The following RBFOX1 variants were observed in gnomAD, a reference collection of about 807,000 sequenced individuals.
RBFOX1 encodes RNA binding fox-1 homolog 1, also known as RNA binding protein fox-1 homolog 1.
A neutral mutation model predicts 57.7 loss-of-function variants in RBFOX1; 8 were observed. The ratio of observed to expected loss-of-function variants is 0.14; its 90% CI spans 0.08 to 0.25. The LOEUF is 0.25. Among genes scored for constraint, RBFOX1 ranks in the 10% least tolerant of loss-of-function variants. The pLI is 1.00. For missense variants in RBFOX1, 611 were observed against 548.5 expected (o/e 1.11, Z -1.14); for synonymous variants, 326 against 222.4 (o/e 1.47, Z -4.15).
At chr16:7,667,427 C>G (rs879935432) in intron 13 of RBFOX1, among the ~76,000 whole-genome samples, 1 of 152,160 alleles carries the variant, frequency 6.6e-6, no homozygotes, top group Admixed American at 6.5e-5. Flanking sequence ...CTTTTTAAAG[C>G]CACTACCCTA....
chr16:6,562,557 G>A (rs1251432555), intron 2 of RBFOX1, among the ~76,000 whole-genome samples: 3 of 152,206 alleles, frequency 2.0e-5, no homozygotes, highest in Non-Finnish European at 2.9e-5. Flanking sequence ...AAGACACGAT[G>A]TGTGTAATTG....
chr16:7,165,620 A>C (rs2079315744), intron 4 of RBFOX1, among the ~76,000 whole-genome samples: 1 of 151,476 alleles, frequency 6.6e-6, no homozygotes, highest in Non-Finnish European at 1.5e-5. Flanking sequence ...GTAGAGATGA[A>C]GTTTCTCCAC....
intron 4 of RBFOX1, among the ~76,000 whole-genome samples, chr16:7,488,532 C>G (rs981625901): frequency 1.3e-5 from 2 of 151,574 alleles, no homozygotes; most frequent in South Asian, 4.2e-4. Flanking sequence ...TACTATCTAC[C>G]TGTCATTCTG....
At chr16:6,997,710 T>A (rs898495126) in intron 3 of RBFOX1, among the ~76,000 whole-genome samples, 2 of 152,284 alleles carry the variant, frequency 1.3e-5, no homozygotes, top group Admixed American at 1.3e-4. Flanking sequence ...GGTTAATGAT[T>A]AGTATAAATC....
intron 4 of RBFOX1, among the ~76,000 whole-genome samples, chr16:7,445,749 C>A (rs941063061): frequency 6.6e-6 from 1 of 152,094 alleles, no homozygotes; most frequent in African/African-American, 2.4e-5. Context: ...TGTCTTTTCA[C>A]GCGGGTGACG....
At chr16:7,447,774 A>G (rs1328509316) in intron 4 of RBFOX1, among the ~76,000 whole-genome samples, 1 of 152,224 alleles carries the variant, frequency 6.6e-6, no homozygotes, top group Non-Finnish European at 1.5e-5. Context: ...AGCTAAATGC[A>G]TTTGTTGAAG....
intron 4 of RBFOX1, among the ~76,000 whole-genome samples, chr16:7,485,933 G>A (rs991219665): frequency 6.6e-6 from 1 of 152,172 alleles, no homozygotes; most frequent in African/African-American, 2.4e-5. Context: ...TATTGTTCAT[G>A]GTTGCTGTTT....
chr16:6,680,336 C>G (rs1159186634), intron 3 of RBFOX1, among the ~76,000 whole-genome samples: 1 of 139,394 alleles, frequency 7.2e-6, no homozygotes, highest in Admixed American at 7.9e-5. Flanking sequence ...CATCTCAGCT[C>G]ACTGCAAGCT....
At position 7,501,513 on chromosome 16, in the gene RBFOX1, G is replaced by C. The variant is rs529394270; in HGVS notation, c.28-16634G>C. Among the ~76,000 whole-genome samples the C allele has an allele frequency of 1.4e-4, 22 of 152,290 alleles. No homozygotes were observed. The Middle Eastern group carries it at 0.014, about 94-fold the overall frequency. On this transcript the variant is annotated intron_variant, in intron 4 of 15. Coordinates refer to ENST00000550418, the MANE Select transcript of RBFOX1 (RefSeq NM_018723.4). Reference sequence around the variant, plus strand: ...GACAGACATAGGTCTCTGCTTTTGAGAGCTTTACAATCCAGTAGCCTCCAG... The same window carrying C: ...GACAGACATAGGTCTCTGCTTTTGACAGCTTTACAATCCAGTAGCCTCCAG...
chr16:5,697,056 G>A (rs1232351832), intron 3 of RBFOX1, among the ~76,000 whole-genome samples: 2 of 152,094 alleles, frequency 1.3e-5, no homozygotes, highest in East Asian at 3.9e-4. Context: ...GGGACTACAG[G>A]TGCAAATATT....
chr16:6,891,984 C>T (rs1282655021), intron 3 of RBFOX1, among the ~76,000 whole-genome samples: 1 of 152,148 alleles, frequency 6.6e-6, no homozygotes, highest in African/African-American at 2.4e-5. Context: ...TTTGATCCTG[C>T]TTACTGATGC....
intron 1 of RBFOX1, among the ~76,000 whole-genome samples, chr16:6,142,186 CTGCAAAAAAAAAA>C (rs1423050125): frequency 5.4e-5 from 3 of 55,410 alleles, no homozygotes; most frequent in African/African-American, 2.4e-4. Flanking sequence ...GTTGCTGCTG[CTGCAAAAAAAAAA>C]AAAAAAAAAA....
At chr16:6,971,527 T>TGG (rs398119187) in intron 3 of RBFOX1, among the ~76,000 whole-genome samples, 1 of 151,850 alleles carries the variant, frequency 6.6e-6, no homozygotes, top group Non-Finnish European at 1.5e-5. Flanking sequence ...TGTGTGTGTG[T>TGG]ACCACTGGAG....
chr16:7,286,719 G>A (rs1441661641), intron 4 of RBFOX1, among the ~76,000 whole-genome samples: 3 of 150,236 alleles, frequency 2.0e-5, no homozygotes, highest in African/African-American at 7.4e-5. Context: ...CGCCTCCTGG[G>A]TACCCACCAT....
At chr16:6,006,978 T>C (rs2094931264) in intron 4 of RBFOX1, among the ~76,000 whole-genome samples, 1 of 152,170 alleles carries the variant, frequency 6.6e-6, no homozygotes, top group Admixed American at 6.5e-5. Context: ...GGAACCAAGC[T>C]TTCTGGGAAT....
chr16:5,585,706 C>G (rs1268632385), intron 2 of RBFOX1, among the ~76,000 whole-genome samples: 3 of 152,244 alleles, frequency 2.0e-5, no homozygotes, highest in Non-Finnish European at 2.9e-5. Flanking sequence ...TCTAGGACCA[C>G]TGCAGCATTT....
chr16:6,452,792 GTC>G, intron 2 of RBFOX1, among the ~76,000 whole-genome samples: 1 of 152,254 alleles, frequency 6.6e-6, no homozygotes, highest in East Asian at 1.9e-4. Context: ...TTAATAATGA[GTC>G]TCTCTGTGTC....
chr16:7,266,639 A>T (rs1323904143), intron 4 of RBFOX1, among the ~76,000 whole-genome samples: 1 of 152,190 alleles, frequency 6.6e-6, no homozygotes, highest in Non-Finnish European at 1.5e-5. Flanking sequence ...TTTGGAGGGC[A>T]CACTTCACTC....
chr16:7,468,781 C>T (rs2060999604), intron 4 of RBFOX1, among the ~76,000 whole-genome samples: 1 of 152,116 alleles, frequency 6.6e-6, no homozygotes, highest in African/African-American at 2.4e-5. Flanking sequence ...ACCCTTGTTT[C>T]TCCAAGCATC....
Sources: allele counts gnomAD v4.1 joint callset (sites outside exome capture counted in the v4.1 genomes callset), GRCh38; gene constraint gnomAD v4.1.1; transcripts MANE v1.5; gene names NCBI Gene and HGNC (gene_info 2026-07-23, HGNC 2026-07-21).